The following BRF1 variants were observed in gnomAD, a reference collection of about 807,000 sequenced individuals.
BRF1 encodes the protein transcription factor IIIB 90 kDa subunit.
Under a neutral mutation model 81.7 loss-of-function variants are expected in BRF1, and 59 were observed. That is an observed-to-expected ratio of 0.72 (90% CI 0.59 to 0.90). The LOEUF (loss-of-function observed/expected upper bound fraction) is 0.90, where lower values mean the gene tolerates loss of function less well. Ranked by LOEUF, BRF1 falls within the 40% of genes least tolerant of loss-of-function variation. The pLI is 0.00. For synonymous variants in BRF1, 491 were observed against 395.6 expected (o/e 1.24, Z -2.86); for missense variants, 1,050 against 936.3 (o/e 1.12, Z -1.58).
intron 5 of BRF1, chr14:105,241,667 C>A (rs2054658897): frequency 1.3e-5 from 7 of 554,884 alleles, no homozygotes; most frequent in Non-Finnish European, 2.3e-5. Context: ...GCAGCGTGCT[C>A]CTACTGCATG....
intron 5 of BRF1, among the ~76,000 whole-genome samples, chr14:105,251,954 C>T (rs587720169): frequency 6.6e-6 from 1 of 152,070 alleles, no homozygotes; most frequent in African/African-American, 2.4e-5. Context: ...CAAACTCGCA[C>T]ACAACACAGA....
Position 105,210,656 on chromosome 14 carries a change from G to C in BRF1, c.1997-68C>G. ...CCCAGGAGCCCAGACCCCCCAACCC[G>C]CCCTGTTCCTGGTGCCCCCCTAGAA... On this transcript the variant is annotated intron_variant, in intron 17 of 17. Transcript: ENST00000547530. This position sits in a 1 kb window ranked among gnomAD's most constrained non-coding sequence, Gnocchi z 4.7. 6.5e-7 allele frequency: 1 copy of C among 1,550,158 alleles called. No individual in the cohort carries two copies. The highest frequency in any genetic ancestry group is 8.8e-7 in the Non-Finnish European group (1 of 1,139,734).
At chr14:105,242,847 G>A (rs995670977) in intron 5 of BRF1, among the ~76,000 whole-genome samples, 14 of 151,984 alleles carry the variant, frequency 9.2e-5, no homozygotes, top group East Asian at 3.9e-4. Flanking sequence ...CAGGTGCTGC[G>A]GCTTACGCCT....
chr14:105,258,657 G>A (rs184664386), intron 3 of BRF1, among the ~76,000 whole-genome samples: 49 of 151,978 alleles, frequency 3.2e-4, no homozygotes, highest in African/African-American at 1.2e-3. Flanking sequence ...AATTACCCAG[G>A]GGGTGGTGGC....
upstream of BRF1, among the ~76,000 whole-genome samples, chr14:105,305,025 A>C (rs141797678): frequency 6.6e-6 from 1 of 152,218 alleles, no homozygotes; most frequent in African/African-American, 2.4e-5. Context: ...CCTTGCCCCA[A>C]GGCGATGGTT....
intron 11 of BRF1, among the ~76,000 whole-genome samples, 164 bp from the exon 12 acceptor site, chr14:105,220,294 G>A (rs930574699): frequency 1.3e-5 from 2 of 152,182 alleles, no homozygotes; most frequent in East Asian, 3.8e-4. Context: ...CCACATGACC[G>A]CACCTCTTTA....
At chr14:105,211,582 C>T in intron 16 of BRF1, 2 of 471,286 alleles carry the variant, frequency 4.2e-6, no homozygotes, top group Non-Finnish European at 7.5e-6. Flanking sequence ...AACACCTTTC[C>T]AGACCATAGG....
At chr14:105,282,690 T>C (rs1198131650) in intron 2 of BRF1, among the ~76,000 whole-genome samples, 1 of 152,116 alleles carries the variant, frequency 6.6e-6, no homozygotes, top group African/African-American at 2.4e-5. Flanking sequence ...TCAAGCACTT[T>C]GGGAGGCCAA....
At chr14:105,245,986 T>C (rs994338642) in intron 5 of BRF1, among the ~76,000 whole-genome samples, 1 of 152,202 alleles carries the variant, frequency 6.6e-6, no homozygotes, top group Non-Finnish European at 1.5e-5. Context: ...TGATATCCTA[T>C]AGAATGGAAG....
chr14:105,291,426 G>A (rs1293912778), intron 1 of BRF1, among the ~76,000 whole-genome samples: 6 of 152,146 alleles, frequency 3.9e-5, no homozygotes, highest in Non-Finnish European at 8.8e-5. Flanking sequence ...CAGTAATCTC[G>A]GCATTTTGGG....
chr14:105,249,284 G>GTCCGCCCCGTCCCCC, intron 5 of BRF1: 1 of 1,559,718 alleles, frequency 6.4e-7, no homozygotes, highest in South Asian at 1.2e-5. Flanking sequence ...CGCGTGCCCC[G>GTCCGCCCCGTCCCCC]TCCGCCCCGT....
At chr14:105,229,052 C>T in intron 6 of BRF1, 139 bp from the exon 7 acceptor site, 2 of 769,230 alleles carry the variant, frequency 2.6e-6, no homozygotes, top group Non-Finnish European at 4.5e-6. Context: ...CAGTGAGACC[C>T]TCACTTGGCA....
intron 2 of BRF1, among the ~76,000 whole-genome samples, chr14:105,278,326 CCCAG>C (rs1464361025): frequency 1.6e-4 from 25 of 151,732 alleles, no homozygotes; most frequent in Non-Finnish European, 1.5e-5. Context: ...AGCCTGTAGG[CCCAG>C]CCAAGGTAGG....
chr14:105,303,853 A>G (rs958876845), upstream of BRF1, among the ~76,000 whole-genome samples: 5 of 152,230 alleles, frequency 3.3e-5, no homozygotes, highest in Non-Finnish European at 7.3e-5. Context: ...TTATGGCAAC[A>G]CTAGCTTGCA....
chr14:105,218,500 C>A (rs1891700551), intron 14 of BRF1, among the ~76,000 whole-genome samples: 1 of 152,208 alleles, frequency 6.6e-6, no homozygotes, highest in Non-Finnish European at 1.5e-5. Context: ...GTCTCGCAGG[C>A]AGGGAACTGG....
At chr14:105,292,728 C>T (rs1595481238) in intron 1 of BRF1, among the ~76,000 whole-genome samples, 1 of 152,192 alleles carries the variant, frequency 6.6e-6, no homozygotes, top group Non-Finnish European at 1.5e-5. Context: ...GGGAGGAGCA[C>T]TGACAAACAG....
Position 105,210,537 on chromosome 14 carries a change from C to T in BRF1, c.*14G>A, listed in dbSNP as rs369353888. 3 of 1,610,494 alleles carry T rather than the reference C, an allele frequency of 1.9e-6. No individual in the cohort carries two copies. The highest frequency in any genetic ancestry group is 2.5e-6 in the Non-Finnish European group (3 of 1,179,844). ...GGCCCCCTGCCAGGACATCACCTGC[C>T]TGGAGGCCACACTTCAGTAGCCGTC... On this transcript the variant is annotated 3_prime_UTR_variant, in exon 18 of 18. Coordinates refer to ENST00000547530, the MANE Select transcript of BRF1 (RefSeq NM_001519.4). The surrounding 1 kb of genome is among the most constrained non-coding windows in gnomAD (Gnocchi z 4.7).
chr14:105,248,684 C>T (rs2055335943), intron 5 of BRF1: 7 of 982,064 alleles, frequency 7.1e-6, no homozygotes, highest in Non-Finnish European at 7.2e-6. Context: ...GGGTGGCAGC[C>T]CCGCGGGTCA....
intron 2 of BRF1, among the ~76,000 whole-genome samples, chr14:105,282,512 G>T (rs28625632): frequency 0.25 from 38,689 of 152,030 alleles, 5,097 homozygotes; most frequent in South Asian, 0.28. Context: ...CAAGCTTGCA[G>T]CGGGACCAGG....
Sources: allele counts gnomAD v4.1 joint callset (sites outside exome capture counted in the v4.1 genomes callset), GRCh38; gene constraint gnomAD v4.1.1; non-coding constraint Gnocchi (gnomAD v3.1); transcripts MANE v1.5; gene names NCBI Gene and HGNC (gene_info 2026-07-23, HGNC 2026-07-21).